Variants in FSTL4 observed in about 807,000 individuals in gnomAD.
FSTL4 encodes follistatin-related protein 4.
In FSTL4, 28 loss-of-function variants were observed where a neutral mutation model predicts 78.2. The observed-to-expected ratio is 0.36, with a 90% CI of 0.27 to 0.49. The LOEUF (loss-of-function observed/expected upper bound fraction) is 0.49, where lower values mean the gene tolerates loss of function less well. Among genes scored for constraint, FSTL4 ranks in the 20% least tolerant of loss-of-function variants. FSTL4 has a pLI of 0.98. For missense variants in FSTL4, 922 were observed against 1,084.9 expected (o/e 0.85, Z 2.11); for synonymous variants, 422 against 440.5 (o/e 0.96, Z 0.53).
At chr5:133,329,071 T>G (rs17166579) in intron 4 of FSTL4, among the ~76,000 whole-genome samples, 1 of 151,796 alleles carries the variant, frequency 6.6e-6, no homozygotes, top group African/African-American at 2.4e-5. Context: ...CCTCCGCGAG[T>G]GATCAAGATG....
intron 3 of FSTL4, among the ~76,000 whole-genome samples, chr5:133,534,511 A>G (rs760438194): frequency 2.0e-5 from 3 of 152,208 alleles, no homozygotes; most frequent in Non-Finnish European, 2.9e-5. Flanking sequence ...ATGAAGTTTC[A>G]GATAGCTCTG....
At chr5:133,771,191 T>A in the FSTL4 span, among the ~76,000 whole-genome samples, 3 of 152,154 alleles carry the variant, frequency 2.0e-5, no homozygotes, top group African/African-American at 7.2e-5. Flanking sequence ...GGTGAGGTTT[T>A]TTGATGATTC....
At chr5:133,372,269 G>GTATCTATCTATC (rs70974084) in intron 4 of FSTL4, among the ~76,000 whole-genome samples, 5 of 143,040 alleles carry the variant, frequency 3.5e-5, no homozygotes, top group East Asian at 2.1e-4. Context: ...ATGTATGTAT[G>GTATCTATCTATC]TATCTATCTA....
At chr5:133,315,760 C>T (rs1276243925) in intron 5 of FSTL4, among the ~76,000 whole-genome samples, 2 of 152,212 alleles carry the variant, frequency 1.3e-5, no homozygotes, top group Non-Finnish European at 2.9e-5. Context: ...CTCCAGCCCA[C>T]CCCAGCTTTT....
chr5:133,416,230 G>T (rs896347655), intron 3 of FSTL4, among the ~76,000 whole-genome samples: 2 of 152,230 alleles, frequency 1.3e-5, no homozygotes, highest in Non-Finnish European at 2.9e-5. Flanking sequence ...TACTGGCCAA[G>T]TCTGGGACAT....
At chr5:133,245,666 G>A (rs1227932965) in intron 7 of FSTL4, among the ~76,000 whole-genome samples, 3 of 152,136 alleles carry the variant, frequency 2.0e-5, no homozygotes, top group African/African-American at 7.2e-5. Context: ...GTGACTCTCA[G>A]GCACTTAGCA....
At chr5:133,806,412 C>G in the FSTL4 span, among the ~76,000 whole-genome samples, 1 of 152,144 alleles carries the variant, frequency 6.6e-6, no homozygotes, top group Non-Finnish European at 1.5e-5. Context: ...TCTTTTATCA[C>G]CTTGCAAATG....
At chr5:133,636,453 T>A in the FSTL4 span, among the ~76,000 whole-genome samples, 8 of 152,322 alleles carry the variant, frequency 5.3e-5, no homozygotes, top group Admixed American at 2.0e-4. Flanking sequence ...GTGCTGGGTC[T>A]GATTCACAGT....
intron 3 of FSTL4, among the ~76,000 whole-genome samples, chr5:133,494,529 T>C (rs1481533785): frequency 6.6e-6 from 1 of 152,180 alleles, no homozygotes; most frequent in Non-Finnish European, 1.5e-5. Context: ...TTTTCAGGCA[T>C]TTTTGGATAT....
Position 133,611,209 on chromosome 5 carries a change from G to A in FSTL4, c.-11+1116C>T, listed in dbSNP as rs1253888788. Among the ~76,000 whole-genome samples the A allele has an allele frequency of 6.6e-6, 1 of 152,060 alleles. No homozygotes were observed. Among genetic ancestry groups the A allele is most frequent in the Non-Finnish European group, 1.5e-5 (1 of 67,986 alleles). ...GCACCCGCTCTCGAGCCGCGACACC[G>A]ACCTCGCCGGGCCCGCCCCGCTGAC... is the stretch of plus-strand genomic sequence containing the variant. On this transcript the variant is annotated intron_variant, in intron 1 of 15. Coordinates refer to ENST00000265342, the MANE Select transcript of FSTL4 (RefSeq NM_015082.2). This position sits in a 1 kb window ranked among gnomAD's most constrained non-coding sequence, Gnocchi z 4.9.
chr5:133,816,395 G>A, the FSTL4 span, among the ~76,000 whole-genome samples: 2 of 152,188 alleles, frequency 1.3e-5, no homozygotes, highest in African/African-American at 4.8e-5. Flanking sequence ...CTGCTGATTC[G>A]GATCCTTCCA....
chr5:133,513,933 C>A (rs1758794107), intron 3 of FSTL4, among the ~76,000 whole-genome samples: 1 of 152,270 alleles, frequency 6.6e-6, no homozygotes, highest in Admixed American at 6.5e-5. Flanking sequence ...AATCCCAGAA[C>A]TTTGGGAGGC....
chr5:133,438,368 G>A (rs1757080496), intron 3 of FSTL4, among the ~76,000 whole-genome samples: 1 of 152,226 alleles, frequency 6.6e-6, no homozygotes. Context: ...GTTTTTTGGT[G>A]TGGGTATTTC....
the FSTL4 span, among the ~76,000 whole-genome samples, chr5:133,785,600 G>A: frequency 1.3e-5 from 2 of 152,262 alleles, no homozygotes; most frequent in Middle Eastern, 3.4e-3. Flanking sequence ...AATAGACTTA[G>A]TATGTGGTCT....
chr5:133,750,553 C>A, the FSTL4 span, among the ~76,000 whole-genome samples: 1 of 152,142 alleles, frequency 6.6e-6, no homozygotes, highest in Non-Finnish European at 1.5e-5. Context: ...AGACGTGCCT[C>A]TGAATCACAG....
chr5:133,835,945 A>G, the FSTL4 span, among the ~76,000 whole-genome samples: 1 of 152,212 alleles, frequency 6.6e-6, no homozygotes, highest in African/African-American at 2.4e-5. Flanking sequence ...ACACTTTATC[A>G]TCATGAAATG....
the FSTL4 span, among the ~76,000 whole-genome samples, chr5:133,635,833 G>A: frequency 2.0e-5 from 3 of 152,198 alleles, no homozygotes; most frequent in Non-Finnish European, 4.4e-5. Flanking sequence ...AACAAAGAGT[G>A]AAAATATCAT....
the FSTL4 span, among the ~76,000 whole-genome samples, chr5:133,623,735 A>C: frequency 6.6e-6 from 1 of 152,186 alleles, no homozygotes; most frequent in Non-Finnish European, 1.5e-5. Flanking sequence ...AAATATTTGC[A>C]TATATATCTG....
chr5:133,594,408 G>A (rs1760699279), intron 2 of FSTL4, among the ~76,000 whole-genome samples: 1 of 152,222 alleles, frequency 6.6e-6, no homozygotes, highest in Non-Finnish European at 1.5e-5. Flanking sequence ...GGCCAGGCTG[G>A]TCTCGGACTC....
Sources: gnomAD v4.1 joint callset for allele counts (sites outside exome capture counted in the v4.1 genomes callset) on GRCh38, gnomAD v4.1.1 for gene constraint, Gnocchi (gnomAD v3.1) non-coding constraint, MANE v1.5 for transcripts, NCBI Gene and HGNC (gene_info 2026-07-23, HGNC 2026-07-21) for gene names.